The following CYP7B1 variants were observed in gnomAD, a reference collection of about 807,000 sequenced individuals.
The protein encoded by CYP7B1 is cytochrome P450 7B1.
In CYP7B1, 29 loss-of-function variants were observed where a neutral mutation model predicts 42.7. That is an observed-to-expected ratio of 0.68 (90% confidence interval 0.51 to 0.93). CYP7B1 has a LOEUF of 0.93. CYP7B1 is among the 40% of genes least tolerant of loss of function. The pLI is 0.00. For missense variants in CYP7B1, 655 were observed against 600.5 expected, an observed-to-expected ratio of 1.09 and a Z score of -0.95; for synonymous variants, 235 against 218.2, an observed-to-expected ratio of 1.08 and a Z score of -0.68.
chr8:64,701,962 C>T (rs534383049), intron 1 of CYP7B1, among the ~76,000 whole-genome samples: 1 of 152,120 alleles, frequency 6.6e-6, no homozygotes, highest in South Asian at 2.1e-4. Context: ...GATGAAATTA[C>T]AGGCTGCATG....
At chr8:64,620,521 A>G (rs898521261) in intron 2 of CYP7B1, among the ~76,000 whole-genome samples, 1 of 152,224 alleles carries the variant, frequency 6.6e-6, no homozygotes, top group Non-Finnish European at 1.5e-5. Context: ...GTTTCTCATG[A>G]AAAGATGTAC....
intron 1 of CYP7B1, among the ~76,000 whole-genome samples, chr8:64,795,517 A>G (rs558413068): frequency 2.6e-5 from 4 of 152,190 alleles, no homozygotes; most frequent in African/African-American, 4.8e-5. Flanking sequence ...CCTATTTAAC[A>G]TAACCCAAAG....
At chr8:64,674,671 A>C (rs1986181) in intron 1 of CYP7B1, among the ~76,000 whole-genome samples, 118,493 of 151,942 alleles carry the variant, frequency 0.78, 46,820 homozygotes, top group African/African-American at 0.84. Flanking sequence ...TTTACAATAC[A>C]CCGTAGTGCA....
chr8:64,679,640 C>T (rs1806506515), intron 1 of CYP7B1, among the ~76,000 whole-genome samples: 1 of 152,034 alleles, frequency 6.6e-6, no homozygotes, highest in Non-Finnish European at 1.5e-5. Flanking sequence ...GAATTTGTCC[C>T]CATTATAGCA....
intron 1 of CYP7B1, among the ~76,000 whole-genome samples, chr8:64,686,102 G>A (rs1346561136): frequency 3.5e-4 from 37 of 105,938 alleles, no homozygotes; most frequent in South Asian, 1.3e-3. Context: ...GGAGGGAGGT[G>A]GGGGGGTCAG....
chr8:64,751,005 C>T (rs1807717961), intron 1 of CYP7B1, among the ~76,000 whole-genome samples: 1 of 152,152 alleles, frequency 6.6e-6, no homozygotes, highest in South Asian at 2.1e-4. Context: ...ATCAACTTCC[C>T]ATGAATTTCC....
At chr8:64,771,047 CTTT>C (rs757503820) in intron 1 of CYP7B1, among the ~76,000 whole-genome samples, 102 of 42,456 alleles carry the variant, frequency 2.4e-3, no homozygotes, top group African/African-American at 7.6e-3. Context: ...ATATCAGCAT[CTTT>C]TTTTTTTTTT....
chr8:64,719,486 G>A (rs373096391), intron 1 of CYP7B1, among the ~76,000 whole-genome samples: 7 of 152,132 alleles, frequency 4.6e-5, no homozygotes, highest in African/African-American at 1.4e-4. Context: ...TTGTCAAAGT[G>A]ACTTAGTTTG....
At chr8:64,795,496 G>T (rs1341416597) in intron 1 of CYP7B1, among the ~76,000 whole-genome samples, 1 of 152,060 alleles carries the variant, frequency 6.6e-6, no homozygotes, top group Admixed American at 6.5e-5. Context: ...CTGAGCTTTT[G>T]GTGCTCACTG....
At chr8:64,757,736 G>C (rs1465396899) in intron 1 of CYP7B1, among the ~76,000 whole-genome samples, 2 of 152,182 alleles carry the variant, frequency 1.3e-5, no homozygotes, top group Non-Finnish European at 2.9e-5. Context: ...CTGCCTCTGG[G>C]CTTCTTTGAT....
rs776959606 is a variant in CYP7B1 at position 64,604,687 on chromosome 8, G to A, written c.1228C>T (p.Pro410Ser). 1.2e-6 allele frequency: 2 copies of A among 1,614,076 alleles called. No homozygotes were observed. ...LHGDPEIFEA[P>S]EEFRYDRFIE... The stretch of plus-strand genomic sequence containing the variant: ...TAGGCTTGATGTTTACTTACCTCTG[G>A]AGCTTCAAAGATTTCAGGGTCACCA... Residue 410 changes from proline to serine, a missense_variant, in exon 5 of 6, where the codon CCA (proline) becomes TCA (serine). Pro to Ser is a moderately conservative substitution (Grantham distance 74, BLOSUM62 -1). Coordinates refer to ENST00000310193, the MANE Select transcript of CYP7B1 (RefSeq NM_004820.5).
intron 1 of CYP7B1, among the ~76,000 whole-genome samples, chr8:64,714,172 T>C (rs1161869294): frequency 6.6e-6 from 1 of 152,220 alleles, no homozygotes; most frequent in Admixed American, 6.5e-5. Context: ...GTACCTTCTG[T>C]GCAATGGACA....
chr8:64,742,815 A>C (rs1807589405), intron 1 of CYP7B1, among the ~76,000 whole-genome samples: 1 of 152,218 alleles, frequency 6.6e-6, no homozygotes, highest in African/African-American at 2.4e-5. Context: ...ATTCTTTATC[A>C]GAGGTAGCAA....
intron 1 of CYP7B1, among the ~76,000 whole-genome samples, chr8:64,637,436 C>T (rs1025502254): frequency 3.9e-5 from 6 of 152,200 alleles, no homozygotes; most frequent in African/African-American, 7.2e-5. Flanking sequence ...TTGTCATGAG[C>T]TACAGGGCTT....
chr8:64,714,459 T>C (rs1807124685), intron 1 of CYP7B1, among the ~76,000 whole-genome samples: 1 of 152,222 alleles, frequency 6.6e-6, no homozygotes, highest in Admixed American at 6.5e-5. Context: ...TGGGTACTTG[T>C]GATTTTCTGA....
chr8:64,692,984 T>C (rs150264082), intron 1 of CYP7B1, among the ~76,000 whole-genome samples: 39 of 152,362 alleles, frequency 2.6e-4, no homozygotes, highest in African/African-American at 9.1e-4. Context: ...CCTCATGGAC[T>C]GAAGAGGCTG....
At chr8:64,788,116 A>T (rs887251576) in intron 1 of CYP7B1, among the ~76,000 whole-genome samples, 1 of 152,196 alleles carries the variant, frequency 6.6e-6, no homozygotes, top group Non-Finnish European at 1.5e-5. Flanking sequence ...CCATCATTAG[A>T]CATTTGTCAA....
intron 2 of CYP7B1, among the ~76,000 whole-genome samples, chr8:64,617,773 T>C (rs1805469811): frequency 6.6e-6 from 1 of 151,940 alleles, no homozygotes; most frequent in South Asian, 2.1e-4. Flanking sequence ...GAAATTTAAT[T>C]CAATTTGGTG....
chr8:64,601,042 T>G (rs1269796177), intron 5 of CYP7B1, among the ~76,000 whole-genome samples: 1 of 152,222 alleles, frequency 6.6e-6, no homozygotes, highest in Non-Finnish European at 1.5e-5. Context: ...CTCTATTCCA[T>G]TTTGCAATAC....
Sources: gnomAD v4.1 joint callset for allele counts (sites outside exome capture counted in the v4.1 genomes callset) on GRCh38, gnomAD v4.1.1 for gene constraint, MANE v1.5 for transcripts, NCBI Gene and HGNC (gene_info 2026-07-23, HGNC 2026-07-21) for gene names.